Variants in SAMMSON observed in about 807,000 individuals in gnomAD.
SAMMSON encodes survival associated mitochondrial melanoma specific oncogenic non-coding RNA, also known as long intergenic non-protein coding RNA 1212.
At chr3:70,176,469 G>A (rs1701011204) in intron 4 of SAMMSON, among the ~76,000 whole-genome samples, 1 of 152,068 alleles carries the variant, frequency 6.6e-6, no homozygotes, top group African/African-American at 2.4e-5. Flanking sequence ...GACCTGACGT[G>A]GATGACAAAA....
At chr3:70,233,561 CACCAAGAAG>C (rs1701581156) in intron 4 of SAMMSON, among the ~76,000 whole-genome samples, 1 of 152,168 alleles carries the variant, frequency 6.6e-6, no homozygotes, top group Admixed American at 6.5e-5. Flanking sequence ...CATATGTGTG[CACCAAGAAG>C]CCATCCCCAC....
At chr3:70,143,263 A>G (rs2067535004) in intron 4 of SAMMSON, among the ~76,000 whole-genome samples, 1 of 151,840 alleles carries the variant, frequency 6.6e-6, no homozygotes, top group East Asian at 2.0e-4. Context: ...CAGTCTTTCA[A>G]CTGGCACTAG....
chr3:70,232,054 T>C (rs1701564491), intron 4 of SAMMSON, among the ~76,000 whole-genome samples: 1 of 152,188 alleles, frequency 6.6e-6, no homozygotes, highest in Admixed American at 6.5e-5. Context: ...AGGGTCACTT[T>C]GTTATTCTGA....
chr3:70,209,189 A>G (rs375061655), intron 4 of SAMMSON, among the ~76,000 whole-genome samples: 8 of 152,210 alleles, frequency 5.3e-5, no homozygotes, highest in Admixed American at 3.3e-4. Flanking sequence ...AACAGCATCA[A>G]TATTTTGGGC....
intron 4 of SAMMSON, among the ~76,000 whole-genome samples, chr3:70,179,686 G>A (rs946891916): frequency 3.3e-5 from 5 of 152,208 alleles, no homozygotes; most frequent in South Asian, 2.1e-4. Context: ...GTACATGAGA[G>A]TGGCTGACTG....
intron 4 of SAMMSON, among the ~76,000 whole-genome samples, chr3:70,079,824 G>A (rs2067261627): frequency 1.3e-5 from 2 of 152,162 alleles, no homozygotes; most frequent in Non-Finnish European, 2.9e-5. Context: ...CACACACTTA[G>A]TGCCACATCT....
At chr3:70,093,147 T>C (rs1390460516) in intron 4 of SAMMSON, among the ~76,000 whole-genome samples, 10 of 152,154 alleles carry the variant, frequency 6.6e-5, no homozygotes, top group South Asian at 2.1e-4. Flanking sequence ...AGGGCTGTCT[T>C]TTCTCTGCCT....
intron 4 of SAMMSON, among the ~76,000 whole-genome samples, chr3:70,179,352 T>C (rs73110032): frequency 0.11 from 16,449 of 152,228 alleles, 1,147 homozygotes; most frequent in Non-Finnish European, 0.16. Flanking sequence ...ATTTTTGGTG[T>C]TTGTTGAATG....
At chr3:70,087,368 G>A (rs867014786) in intron 4 of SAMMSON, among the ~76,000 whole-genome samples, 4 of 152,194 alleles carry the variant, frequency 2.6e-5, no homozygotes, top group Admixed American at 6.5e-5. Context: ...TTTTGGAGGA[G>A]TAGCCAGTGC....
At position 70,212,307 on chromosome 3, in the gene SAMMSON, C is replaced by T. The variant is rs118026139; in HGVS notation, n.508-36800C>T. ...TTGGACATTTTTTGTGGGTAACTAG[C>T]GAAATCCTTTCAATTATGATGCCTC... On this transcript the variant is annotated intron_variant and non_coding_transcript_variant, in intron 4 of 9. Coordinates refer to ENST00000642114, the Ensembl canonical transcript of SAMMSON. Among the ~76,000 whole-genome samples the T allele has an allele frequency of 5.9e-5, 9 of 152,202 alleles. No homozygotes were observed. In the East Asian group the frequency reaches 1.5e-3, roughly 26 times the overall value.
At chr3:70,325,423 T>C (rs1702571325) in intron 7 of SAMMSON, among the ~76,000 whole-genome samples, 1 of 151,930 alleles carries the variant, frequency 6.6e-6, no homozygotes, top group Non-Finnish European at 1.5e-5. Flanking sequence ...CAAAAGTTAC[T>C]GCAGAAAGAT....
In SAMMSON at chr3:70,357,378, T is replaced by C. The variant is rs6767714; in HGVS notation, n.843-876T>C. 2.5e-3 allele frequency among the ~76,000 whole-genome samples: 378 copies of C among 152,254 alleles called. 1 individual carries two copies. The highest frequency in any genetic ancestry group is 8.6e-3 in the African/African-American group (359 of 41,564). The stretch of plus-strand genomic sequence containing the variant: ...GTAAGCAGTGGTTTCTAGACAGAAT[T>C]TACTAACATAGTGCTTTTATCATTT... On this transcript the variant is annotated intron_variant and non_coding_transcript_variant, in intron 8 of 9. Transcript: ENST00000642114.
At chr3:70,097,926 A>C (rs2067328379) in intron 4 of SAMMSON, among the ~76,000 whole-genome samples, 1 of 152,218 alleles carries the variant, frequency 6.6e-6, no homozygotes. Context: ...TTGAGAAATG[A>C]ATGTATTAAT....
At chr3:70,116,347 CAT>C (rs2067411322) in intron 4 of SAMMSON, among the ~76,000 whole-genome samples, 1 of 90,010 alleles carries the variant, frequency 1.1e-5, no homozygotes, top group Non-Finnish European at 2.3e-5. Context: ...TTCATTTTGT[CAT>C]ATTTTATTTT....
At chr3:70,131,354 T>C (rs2067481935) in intron 4 of SAMMSON, among the ~76,000 whole-genome samples, 1 of 152,158 alleles carries the variant, frequency 6.6e-6, no homozygotes, top group Admixed American at 6.5e-5. Flanking sequence ...CTCTTAGGAG[T>C]AGGAAATTTG....
chr3:70,364,235 T>C (rs577439779), intron 9 of SAMMSON, among the ~76,000 whole-genome samples: 1 of 152,012 alleles, frequency 6.6e-6, no homozygotes, highest in Non-Finnish European at 1.5e-5. Context: ...AAGTTAATCC[T>C]CTGGCAGTTT....
intron 4 of SAMMSON, among the ~76,000 whole-genome samples, chr3:70,243,965 G>A (rs1181874849): frequency 6.6e-6 from 1 of 152,138 alleles, no homozygotes; most frequent in Non-Finnish European, 1.5e-5. Context: ...CTTTGCTTCT[G>A]ATCTGCTAAT....
At chr3:70,253,439 G>A (rs75081251) in intron 6 of SAMMSON, among the ~76,000 whole-genome samples, 1 of 152,118 alleles carries the variant, frequency 6.6e-6, no homozygotes, top group African/African-American at 2.4e-5. Flanking sequence ...TTTCGGTGGG[G>A]CACCTTATTT....
At chr3:70,197,963 C>A (rs957243154) in intron 4 of SAMMSON, among the ~76,000 whole-genome samples, 17 of 152,028 alleles carry the variant, frequency 1.1e-4, no homozygotes, top group Non-Finnish European at 2.4e-4. Flanking sequence ...TAATTTCTAG[C>A]CAAACAGCTG....
Sources: gnomAD v4.1 joint callset for allele counts (sites outside exome capture counted in the v4.1 genomes callset) on GRCh38, gnomAD v4.1.1 for gene constraint, MANE v1.5 for transcripts, NCBI Gene and HGNC (gene_info 2026-07-23, HGNC 2026-07-21) for gene names.